Variants in SSPN observed in about 807,000 individuals in gnomAD.
SSPN encodes the protein K-ras oncogene-associated protein.
Under a neutral mutation model 19.1 loss-of-function variants are expected in SSPN, and 15 were observed. The observed-to-expected ratio is 0.78, with a 90% CI of 0.52 to 1.21. The LOEUF (loss-of-function observed/expected upper bound fraction) is 1.21. Ranked by LOEUF, SSPN falls within the 50% of genes most tolerant of loss-of-function variation. The pLI is 0.00. For synonymous variants in SSPN, 147 were observed against 140.3 expected (o/e 1.05, Z -0.34); for missense variants, 291 against 314.0 (o/e 0.93, Z 0.55).
intron 1 of SSPN, among the ~76,000 whole-genome samples, chr12:26,157,343 A>T (rs1944562028): frequency 6.6e-6 from 1 of 152,210 alleles, no homozygotes; most frequent in Non-Finnish European, 1.5e-5. Flanking sequence ...CTATACCATT[A>T]ATAAAGTAAA....
At chr12:26,122,907 C>T in intron 1 of SSPN, 1 of 1,548,904 alleles carries the variant, frequency 6.5e-7, no homozygotes, top group Non-Finnish European at 8.7e-7. Context: ...GCGCTCCAGG[C>T]AGGGGGCGGC....
At chr12:26,201,135 G>A (rs2137464622) in intron 1 of SSPN, among the ~76,000 whole-genome samples, 1 of 149,914 alleles carries the variant, frequency 6.7e-6, no homozygotes, top group Non-Finnish European at 1.5e-5. Flanking sequence ...CTGGCACTTT[G>A]GGAGGCCAAG....
At chr12:26,155,523 A>C (rs1444742563) in intron 1 of SSPN, among the ~76,000 whole-genome samples, 2 of 152,214 alleles carry the variant, frequency 1.3e-5, no homozygotes, top group African/African-American at 4.8e-5. Context: ...TAACATTTAA[A>C]AAAGAGTCTT....
At chr12:26,177,789 G>C (rs535669713) in intron 1 of SSPN, among the ~76,000 whole-genome samples, 1 of 152,194 alleles carries the variant, frequency 6.6e-6, no homozygotes, top group Non-Finnish European at 1.5e-5. Flanking sequence ...CTGATCTTCT[G>C]TGCCGGCTGG....
chr12:26,137,654 A>T (rs1230911049), intron 1 of SSPN, among the ~76,000 whole-genome samples: 3 of 55,032 alleles, frequency 5.5e-5, no homozygotes, highest in Admixed American at 1.8e-4. Flanking sequence ...ATATATATAT[A>T]TATTTTTTTT....
chr12:26,161,548 C>T (rs796832657), intron 1 of SSPN, among the ~76,000 whole-genome samples: 19 of 152,324 alleles, frequency 1.2e-4, no homozygotes, highest in African/African-American at 4.3e-4. Context: ...CTTATCATTT[C>T]TTAACATGCT....
intron 1 of SSPN, chr12:26,125,086 C>T (rs1279316755): frequency 9.9e-6 from 4 of 402,438 alleles, no homozygotes; most frequent in Non-Finnish European, 1.9e-5. Flanking sequence ...AGCTCACGTG[C>T]GGAACGTACC....
chr12:26,140,326 C>T (rs1000562090), intron 1 of SSPN, among the ~76,000 whole-genome samples: 12 of 152,144 alleles, frequency 7.9e-5, no homozygotes, highest in African/African-American at 2.9e-4. Flanking sequence ...AAGGATCATC[C>T]TTTGTCCTCT....
At chr12:26,167,868 G>T (rs1263979206) in intron 1 of SSPN, among the ~76,000 whole-genome samples, 1 of 152,122 alleles carries the variant, frequency 6.6e-6, no homozygotes, top group African/African-American at 2.4e-5. Context: ...ACTTTTACTT[G>T]CCACTCACTT....
At chr12:26,222,929 T>C (rs1159021957) in intron 1 of SSPN, among the ~76,000 whole-genome samples, 2 of 152,192 alleles carry the variant, frequency 1.3e-5, no homozygotes, top group Admixed American at 6.5e-5. Context: ...ATAGCCAAGA[T>C]GTATAGATTC....
At chr12:26,178,861 G>A (rs1552043) in intron 1 of SSPN, among the ~76,000 whole-genome samples, 61,482 of 152,110 alleles carry the variant, frequency 0.4, 15,115 homozygotes, top group Admixed American at 0.57. Flanking sequence ...TGATGTTACT[G>A]TAGATATCTA....
intron 1 of SSPN, among the ~76,000 whole-genome samples, chr12:26,156,730 G>A (rs1281332966): frequency 1.3e-5 from 2 of 152,212 alleles, no homozygotes; most frequent in African/African-American, 4.8e-5. Context: ...ATAGAGAGCA[G>A]CTCAGGAAGA....
chr12:26,182,290 G>A (rs1944723328), intron 1 of SSPN, among the ~76,000 whole-genome samples: 1 of 152,110 alleles, frequency 6.6e-6, no homozygotes, highest in Admixed American at 6.5e-5. Context: ...AGAAGATGAG[G>A]GATGGAGTGA....
chr12:26,142,865 T>C (rs923320363), intron 1 of SSPN, among the ~76,000 whole-genome samples: 3 of 152,222 alleles, frequency 2.0e-5, no homozygotes, highest in Admixed American at 2.0e-4. Context: ...AATGCCTGGC[T>C]CCTTCATCTG....
intron 1 of SSPN, chr12:26,125,172 A>G (rs1944353505): frequency 2.8e-6 from 1 of 354,640 alleles, no homozygotes; most frequent in Non-Finnish European, 5.4e-6. Context: ...AGGCGGCGAG[A>G]GAAGGCGAAC....
intron 1 of SSPN, among the ~76,000 whole-genome samples, chr12:26,169,474 G>A (rs988975592): frequency 6.6e-6 from 1 of 152,012 alleles, no homozygotes; most frequent in Non-Finnish European, 1.5e-5. Context: ...ATCAAAATAG[G>A]ATTTTCAAAC....
At chr12:26,186,930 CTT>C (rs1162129346) in intron 1 of SSPN, among the ~76,000 whole-genome samples, 3 of 152,206 alleles carry the variant, frequency 2.0e-5, no homozygotes, top group Admixed American at 6.5e-5. Context: ...CTCTCTCTCT[CTT>C]TCTTCCCCCT....
chr12:26,174,860 C>T (rs1163461898), intron 1 of SSPN, among the ~76,000 whole-genome samples: 1 of 152,120 alleles, frequency 6.6e-6, no homozygotes. Context: ...CTACTTTCTG[C>T]CTCTATAGAT....
At chr12:26,151,437 T>A (rs1344758090) in intron 1 of SSPN, among the ~76,000 whole-genome samples, 1 of 152,192 alleles carries the variant, frequency 6.6e-6, no homozygotes, top group African/African-American at 2.4e-5. Flanking sequence ...CCAGCACAAC[T>A]GCCCCCTTAA....
Sources: allele counts gnomAD v4.1 joint callset (sites outside exome capture counted in the v4.1 genomes callset), GRCh38; gene constraint gnomAD v4.1.1; transcripts MANE v1.5; gene names NCBI Gene and HGNC (gene_info 2026-07-23, HGNC 2026-07-21).